ZBTB20: variants seen among roughly 807,000 people sequenced by gnomAD.
The protein encoded by ZBTB20 is zinc finger and BTB domain containing 20.
Under a neutral mutation model 56.9 loss-of-function variants are expected in ZBTB20, and 9 were observed. The observed-to-expected ratio is 0.16, with a 90% CI of 0.10 to 0.28. The LOEUF is 0.28. Among genes scored for constraint, ZBTB20 ranks in the 10% least tolerant of loss-of-function variants. The probability of loss-of-function intolerance (pLI) is 1.00; values close to 1 mark genes in which losing one functional copy is unlikely to be tolerated. For missense variants in ZBTB20, 655 were observed against 1,003.0 expected (o/e 0.65, Z 4.69); for synonymous variants, 417 against 420.7 (o/e 0.99, Z 0.11).
chr3:114,966,260 C>T (rs768793028), intron 3 of ZBTB20, among the ~76,000 whole-genome samples: 2 of 151,822 alleles, frequency 1.3e-5, no homozygotes, highest in Non-Finnish European at 2.9e-5. Context: ...ACGGTAACTC[C>T]AGGTTCAAAG....
At chr3:114,770,536 T>C (rs2069123213) in intron 5 of ZBTB20, among the ~76,000 whole-genome samples, 1 of 152,030 alleles carries the variant, frequency 6.6e-6, no homozygotes, top group South Asian at 2.1e-4. Flanking sequence ...CCACTTCATG[T>C]AGTAATATAT....
chr3:114,538,122 A>T (rs2048697125), intron 6 of ZBTB20, among the ~76,000 whole-genome samples: 1 of 152,096 alleles, frequency 6.6e-6, no homozygotes, highest in South Asian at 2.1e-4. Context: ...CCCAGAACTT[A>T]AAAGTATAAT....
chr3:114,585,277 C>T (rs1325096411), intron 6 of ZBTB20, among the ~76,000 whole-genome samples: 2 of 152,096 alleles, frequency 1.3e-5, no homozygotes, highest in Non-Finnish European at 2.9e-5. Flanking sequence ...GATAACAGTG[C>T]TCTTGAGGGG....
At chr3:114,627,134 C>T (rs1197808242) in intron 6 of ZBTB20, among the ~76,000 whole-genome samples, 1 of 152,192 alleles carries the variant, frequency 6.6e-6, no homozygotes, top group Non-Finnish European at 1.5e-5. Context: ...CCTAAGCCCT[C>T]TCTTGTATAT....
intron 3 of ZBTB20, among the ~76,000 whole-genome samples, chr3:114,929,610 G>T (rs1258423829): frequency 6.6e-6 from 1 of 152,184 alleles, no homozygotes; most frequent in African/African-American, 2.4e-5. Context: ...AATTAAACCT[G>T]AAGATAAGGA....
At chr3:114,473,368 A>C (rs1290699699) in intron 7 of ZBTB20, among the ~76,000 whole-genome samples, 1 of 152,244 alleles carries the variant, frequency 6.6e-6, no homozygotes, top group Non-Finnish European at 1.5e-5. Flanking sequence ...ATTTGAAAGT[A>C]AGTTTGCATT....
intron 6 of ZBTB20, among the ~76,000 whole-genome samples, chr3:114,561,828 C>A (rs962021166): frequency 6.6e-6 from 1 of 152,072 alleles, no homozygotes; most frequent in African/African-American, 2.4e-5. Context: ...TGCTTTGAAA[C>A]CAGGCATTGA....
intron 2 of ZBTB20, among the ~76,000 whole-genome samples, chr3:114,987,741 C>A (rs931013355): frequency 6.6e-6 from 1 of 152,116 alleles, no homozygotes; most frequent in East Asian, 1.9e-4. Flanking sequence ...TCCCTGTAGA[C>A]ATGAATACAG....
intron 5 of ZBTB20, among the ~76,000 whole-genome samples, chr3:114,702,339 C>A (rs560828732): frequency 6.6e-6 from 1 of 152,258 alleles, no homozygotes; most frequent in South Asian, 2.1e-4. Flanking sequence ...GAGAACGAGA[C>A]CCTGTCTCAA....
intron 2 of ZBTB20, among the ~76,000 whole-genome samples, chr3:115,043,404 A>T (rs1263145457): frequency 2.2e-5 from 3 of 138,568 alleles, no homozygotes; most frequent in African/African-American, 7.9e-5. Context: ...ACTAAAAACT[A>T]AAAAAAAAAA....
chr3:114,911,031 G>C (rs150408714), intron 3 of ZBTB20, among the ~76,000 whole-genome samples: 2,128 of 151,880 alleles, frequency 0.014, 26 homozygotes, highest in Non-Finnish European at 0.02. Flanking sequence ...TATTTTCTCT[G>C]TCCTATTCTT....
At chr3:114,368,477 C>CCT (rs2082662016) in intron 10 of ZBTB20, among the ~76,000 whole-genome samples, 1 of 152,174 alleles carries the variant, frequency 6.6e-6, no homozygotes, top group Non-Finnish European at 1.5e-5. Flanking sequence ...TTCACAGGGA[C>CCT]CTCTCCTCAT....
At chr3:114,364,558 A>T (rs1254943415) in intron 10 of ZBTB20, among the ~76,000 whole-genome samples, 1 of 152,182 alleles carries the variant, frequency 6.6e-6, no homozygotes, top group Non-Finnish European at 1.5e-5. Context: ...TTGTCTTACT[A>T]GCTGAGCTTA....
At chr3:114,439,716 G>A (rs770055392) in intron 7 of ZBTB20, among the ~76,000 whole-genome samples, 1 of 152,120 alleles carries the variant, frequency 6.6e-6, no homozygotes, top group Non-Finnish European at 1.5e-5. Context: ...CTTGGCAGAT[G>A]CCTAGGATGT....
intron 3 of ZBTB20, among the ~76,000 whole-genome samples, chr3:114,970,877 T>C (rs780539592): frequency 2.0e-5 from 3 of 152,080 alleles, no homozygotes; most frequent in Non-Finnish European, 2.9e-5. Flanking sequence ...TAGCCAGGCA[T>C]GGTAGTGGGC....
intron 2 of ZBTB20, among the ~76,000 whole-genome samples, chr3:114,995,606 A>T (rs1247374523): frequency 6.6e-6 from 1 of 151,860 alleles, no homozygotes; most frequent in Non-Finnish European, 1.5e-5. Context: ...ATCTCAGCAG[A>T]AATCAGATAT....
chr3:114,649,678 T>A (rs1008676770), intron 6 of ZBTB20, among the ~76,000 whole-genome samples: 7 of 152,000 alleles, frequency 4.6e-5, no homozygotes, highest in African/African-American at 1.2e-4. Context: ...CAAATTCTAA[T>A]CCAAACTTTA....
rs566943428 is a variant in ZBTB20 at position 114,769,334 on chromosome 3, C to CA, written c.-343+31766dup. On this transcript the variant is annotated intron_variant, in intron 5 of 11. Transcript: ENST00000675478. The stretch of plus-strand genomic sequence containing the variant: ...GGAGCCAACCCAAATGCCCATCAAT[C>CA]AATGAGTGGATAAAGAAACTGTGGT... Among the ~76,000 whole-genome samples the CA allele has an allele frequency of 1.1e-4, 16 of 151,686 alleles. No homozygotes were observed. In the South Asian group the frequency reaches 3.3e-3, roughly 32 times the overall value.
At chr3:114,901,671 T>C (rs2075125578) in intron 3 of ZBTB20, among the ~76,000 whole-genome samples, 2 of 152,114 alleles carry the variant, frequency 1.3e-5, no homozygotes, top group Non-Finnish European at 1.5e-5. Flanking sequence ...AGCACATCTA[T>C]ATAAAGGAAT....
Sources: allele counts gnomAD v4.1 joint callset (sites outside exome capture counted in the v4.1 genomes callset), GRCh38; gene constraint gnomAD v4.1.1; transcripts MANE v1.5; gene names NCBI Gene and HGNC (gene_info 2026-07-23, HGNC 2026-07-21).